Variants in TBC1D8 observed in about 807,000 individuals in gnomAD.
TBC1D8 encodes BUB2-like protein 1.
A neutral mutation model predicts 118.8 loss-of-function variants in TBC1D8; 65 were observed. That is an observed-to-expected ratio of 0.55 (90% CI 0.45 to 0.67). TBC1D8 has a LOEUF of 0.67. TBC1D8 is among the 30% of genes least tolerant of loss of function. The pLI is 0.00. For synonymous variants in TBC1D8, 566 were observed against 595.8 expected (o/e 0.95, Z 0.73); for missense variants, 1,376 against 1,471.2 (o/e 0.94, Z 1.06).
intron 15 of TBC1D8, among the ~76,000 whole-genome samples, chr2:101,023,180 G>A (rs982290947): frequency 3.4e-5 from 5 of 145,172 alleles, no homozygotes; most frequent in Non-Finnish European, 7.5e-5. Context: ...AGTCTCGCTC[G>A]GTCACCCAGG....
At chr2:101,140,096 C>T (rs779786619) in intron 1 of TBC1D8, among the ~76,000 whole-genome samples, 2 of 152,094 alleles carry the variant, frequency 1.3e-5, no homozygotes, top group Non-Finnish European at 1.5e-5. Flanking sequence ...ACAGCAAAAA[C>T]TTTCATTATT....
At chr2:101,096,064 T>C (rs1000848754) in intron 1 of TBC1D8, among the ~76,000 whole-genome samples, 3 of 152,152 alleles carry the variant, frequency 2.0e-5, no homozygotes, top group African/African-American at 7.2e-5. Context: ...AAAGAGTTCT[T>C]TTTTTGTTGT....
At chr2:101,058,809 T>C (rs1299412465) in intron 3 of TBC1D8, among the ~76,000 whole-genome samples, 1 of 150,658 alleles carries the variant, frequency 6.6e-6, no homozygotes, top group Non-Finnish European at 1.5e-5. Context: ...TGCGGAAACA[T>C]AAATCTTAAC....
chr2:101,141,465 GGCTCCAATCTAGACTGAAC>G (rs1679096957), intron 1 of TBC1D8, among the ~76,000 whole-genome samples: 1 of 152,096 alleles, frequency 6.6e-6, no homozygotes, highest in Non-Finnish European at 1.5e-5. Flanking sequence ...CCTCCTGCCA[GGCTCCAATCTAGACTGAAC>G]GCTGGGTTGG....
At chr2:101,082,630 G>A (rs1045903532) in intron 2 of TBC1D8, among the ~76,000 whole-genome samples, 6 of 152,168 alleles carry the variant, frequency 3.9e-5, no homozygotes, top group Admixed American at 6.5e-5. Context: ...TGCAACATGC[G>A]GGACACTTGA....
intron 1 of TBC1D8, among the ~76,000 whole-genome samples, chr2:101,116,934 C>A (rs1194592589): frequency 6.6e-6 from 1 of 152,130 alleles, no homozygotes; most frequent in African/African-American, 2.4e-5. Context: ...CACCACCATG[C>A]CCAGCCGAGA....
At chr2:101,136,986 A>G (rs77661639) in intron 1 of TBC1D8, among the ~76,000 whole-genome samples, 19,648 of 151,522 alleles carry the variant, frequency 0.13, 1,435 homozygotes, top group East Asian at 0.27. Flanking sequence ...TTTTTCAAGC[A>G]AGAAAGCCCA....
chr2:101,078,296 T>C (rs919528102), intron 2 of TBC1D8, among the ~76,000 whole-genome samples: 13 of 152,178 alleles, frequency 8.5e-5, no homozygotes, highest in Non-Finnish European at 1.9e-4. Flanking sequence ...CATTGGACAG[T>C]CACAGTTTTC....
intron 17 of TBC1D8, among the ~76,000 whole-genome samples, chr2:101,015,837 TAATA>T (rs1188538149): frequency 6.6e-6 from 1 of 152,144 alleles, no homozygotes; most frequent in Non-Finnish European, 1.5e-5. Flanking sequence ...ATTCCCTATT[TAATA>T]AATGGTGTTG....
chr2:101,044,286 C>T (rs1192817079), intron 5 of TBC1D8, among the ~76,000 whole-genome samples: 1 of 152,306 alleles, frequency 6.6e-6, no homozygotes, highest in East Asian at 1.9e-4. Flanking sequence ...GTATTATATA[C>T]AAGATAGTTA....
intron 17 of TBC1D8, among the ~76,000 whole-genome samples, chr2:101,015,514 C>G (rs1679561203): frequency 6.6e-6 from 1 of 152,202 alleles, no homozygotes; most frequent in African/African-American, 2.4e-5. Flanking sequence ...TGCCTTAAAA[C>G]ACAAACACAT....
chr2:101,022,635 G>A (rs571342313), intron 15 of TBC1D8, 114 bp from the exon 16 acceptor site: 38 of 1,407,962 alleles, frequency 2.7e-5, no homozygotes, highest in Admixed American at 1.3e-4. Context: ...AACTGGATAC[G>A]TAAAAGTGTT....
At chr2:101,043,928 A>G (rs1681541587) in intron 5 of TBC1D8, among the ~76,000 whole-genome samples, 1 of 151,348 alleles carries the variant, frequency 6.6e-6, no homozygotes, top group South Asian at 2.1e-4. Flanking sequence ...CAACAAGAGC[A>G]AAAGTCTGTC....
intron 2 of TBC1D8, among the ~76,000 whole-genome samples, chr2:101,064,356 C>T (rs1682912441): frequency 2.0e-5 from 3 of 152,142 alleles, no homozygotes; most frequent in Non-Finnish European, 4.4e-5. Context: ...CACCTTGATC[C>T]TGGACTTCCC....
chr2:101,100,361 G>A (rs1048177697), intron 1 of TBC1D8, among the ~76,000 whole-genome samples: 1 of 152,156 alleles, frequency 6.6e-6, no homozygotes, highest in Non-Finnish European at 1.5e-5. Flanking sequence ...GGAAACAAGA[G>A]AGGACACAAA....
rs759011807 is a variant in TBC1D8, at chr2:101,029,520, A to T, written c.2193T>A (p.Asp731Glu). 25 of 1,613,654 alleles carry T rather than the reference A, an allele frequency of 1.5e-5. No individual in the cohort carries two copies. In the East Asian group the frequency reaches 4.2e-4, roughly 27 times the overall value. ...ANAEDLCSSK[D>E]DGQALMILSR... ...TGAGGATCATCAAGGCCTGGCCATC[A>T]TCCTTGCTGCTGCACAGGTCCTCAG... The change falls in exon 12 of 20, where the codon GAT becomes GAA. Residue 731 changes from aspartate to glutamate, a missense_variant. By Grantham distance (45) the Asp-to-Glu change is conservative. Transcript: ENST00000409318.
At chr2:101,093,284 G>A (rs1337205447) in intron 1 of TBC1D8, among the ~76,000 whole-genome samples, 1 of 152,142 alleles carries the variant, frequency 6.6e-6, no homozygotes, top group Non-Finnish European at 1.5e-5. Context: ...ACTTTTGACT[G>A]CACGGGGGTT....
chr2:101,059,482 T>G lies in TBC1D8; in HGVS notation c.341A>C (p.His114Pro), dbSNP rs752180570. Reference protein sequence around the residue: ...HWDWLEQNLLHTLSVFDNKDD... With the variant: ...HWDWLEQNLLPTLSVFDNKDD... ...TTTATTATCAAAGACAGACAAGGTG[T>G]GGAGGAGATTTTGTTCCAGCCAGTC... is the stretch of plus-strand genomic sequence containing the variant. The change falls in exon 3 of 20, where the codon CAC becomes CCC. Residue 114 changes from histidine (H) to proline (P), a missense_variant. Physicochemically the swap from His to Pro is moderately conservative, Grantham distance 77. Coordinates refer to ENST00000409318, the MANE Select transcript of TBC1D8 (RefSeq NM_001330348.2). 1 of 1,613,946 alleles carries G rather than the reference T, an allele frequency of 6.2e-7. No homozygotes were observed. The highest frequency in any genetic ancestry group is 1.1e-5 in the South Asian group (1 of 91,086).
At chr2:101,099,749 A>C (rs1482028206) in intron 1 of TBC1D8, among the ~76,000 whole-genome samples, 1 of 152,246 alleles carries the variant, frequency 6.6e-6, no homozygotes, top group Non-Finnish European at 1.5e-5. Flanking sequence ...GAACAGAACC[A>C]AAGACAAAAA....
Sources: gnomAD v4.1 joint callset for allele counts (sites outside exome capture counted in the v4.1 genomes callset) on GRCh38, gnomAD v4.1.1 for gene constraint, MANE v1.5 for transcripts, NCBI Gene and HGNC (gene_info 2026-07-23, HGNC 2026-07-21) for gene names.